PKNOX2: variants seen among roughly 807,000 people sequenced by gnomAD.
PKNOX2 encodes homeobox protein PKNOX2.
In PKNOX2, 14 loss-of-function variants were observed where a neutral mutation model predicts 53.1. The ratio of observed to expected loss-of-function variants is 0.26; its 90% CI spans 0.17 to 0.41. The LOEUF (loss-of-function observed/expected upper bound fraction) is 0.41. Among genes scored for constraint, PKNOX2 ranks in the 10% least tolerant of loss-of-function variants. PKNOX2 has a pLI of 1.00. For missense variants in PKNOX2, 496 were observed against 602.8 expected (o/e 0.82, Z 1.85); for synonymous variants, 257 against 242.8 (o/e 1.06, Z -0.54).
At chr11:125,393,004 T>TA (rs576280119) in intron 6 of PKNOX2, among the ~76,000 whole-genome samples, 3,959 of 145,378 alleles carry the variant, frequency 0.027, 129 homozygotes, top group African/African-American at 0.071. Flanking sequence ...TAAAAATACA[T>TA]AAAAAAAAAA....
At chr11:125,324,459 T>C (rs1332866971) in intron 2 of PKNOX2, among the ~76,000 whole-genome samples, 10 of 152,360 alleles carry the variant, frequency 6.6e-5, no homozygotes, top group Non-Finnish European at 1.5e-4. Context: ...ACACCTTATA[T>C]GTACAAAATA....
intron 2 of PKNOX2, among the ~76,000 whole-genome samples, chr11:125,236,372 C>T (rs1021479101): frequency 3.2e-5 from 4 of 126,456 alleles, no homozygotes; most frequent in African/African-American, 6.3e-5. Context: ...GGAAAGCCTG[C>T]CTAGGAGGTG....
chr11:125,236,034 G>A (rs543969183), intron 2 of PKNOX2, among the ~76,000 whole-genome samples: 1 of 152,340 alleles, frequency 6.6e-6, no homozygotes, highest in Admixed American at 6.5e-5. Context: ...ATAGTACGTT[G>A]GCTTCCAACC....
At chr11:125,302,950 G>A (rs1948176148) in intron 2 of PKNOX2, among the ~76,000 whole-genome samples, 1 of 152,200 alleles carries the variant, frequency 6.6e-6, no homozygotes, top group Non-Finnish European at 1.5e-5. Context: ...ACCATCTCAT[G>A]GCTAGTCTGT....
In PKNOX2 at chr11:125,430,003, G is replaced by A. The variant is rs781435524; in HGVS notation, c.1054G>A (p.Asp352Asn). The change falls in exon 12 of 13, where the codon GAT becomes AAT. Residue 352 changes from aspartate (D) to asparagine (N), a missense_variant. Around this residue, in one of 5 missense-constraint regions of PKNOX2, gnomAD observed 139 missense variants for 161.3 expected, o/e 0.86. Transcript: ENST00000298282. ...ARRRILQPMLDASNPDPAPKA... is the reference protein window; with the variant it reads ...ARRRILQPMLNASNPDPAPKA... ...GAGGCGCATCCTGCAGCCCATGCTT[G>A]ATGCCAGCAACCCAGATCCTGCCCC... is the stretch of plus-strand genomic sequence containing the variant. 1.9e-6 allele frequency: 3 copies of A among 1,614,154 alleles called. No homozygotes were observed. The highest frequency in any genetic ancestry group is 1.1e-5 in the South Asian group (1 of 91,080).
intron 2 of PKNOX2, among the ~76,000 whole-genome samples, chr11:125,315,573 C>T (rs575400215): frequency 6.6e-6 from 1 of 152,282 alleles, no homozygotes; most frequent in African/African-American, 2.4e-5. Context: ...CTCAACCCCA[C>T]CCCAGGGTGC....
chr11:125,418,462 A>G (rs997677413), intron 10 of PKNOX2, among the ~76,000 whole-genome samples: 2 of 151,994 alleles, frequency 1.3e-5, no homozygotes, highest in African/African-American at 2.4e-5. Flanking sequence ...TCAGATGCCC[A>G]GCTATCCTTC....
At chr11:125,198,348 G>C (rs1020182323) in intron 1 of PKNOX2, among the ~76,000 whole-genome samples, 6 of 152,212 alleles carry the variant, frequency 3.9e-5, no homozygotes, top group African/African-American at 1.4e-4. Context: ...AGGCGAAGGT[G>C]GGGGTAGAGG....
At chr11:125,305,375 C>T (rs1948366639) in intron 2 of PKNOX2, among the ~76,000 whole-genome samples, 1 of 152,312 alleles carries the variant, frequency 6.6e-6, no homozygotes, top group South Asian at 2.1e-4. Flanking sequence ...GCTTAGGGCT[C>T]TCAGCAAGAC....
At chr11:125,188,958 G>C (rs1237247337) in intron 1 of PKNOX2, among the ~76,000 whole-genome samples, 1 of 151,954 alleles carries the variant, frequency 6.6e-6, no homozygotes, top group Non-Finnish European at 1.5e-5. Context: ...TGAGTCCCGT[G>C]CTGGTGCTAA....
intron 1 of PKNOX2, among the ~76,000 whole-genome samples, chr11:125,202,010 CT>C (rs1190647529): frequency 6.6e-6 from 1 of 152,204 alleles, no homozygotes; most frequent in Non-Finnish European, 1.5e-5. Flanking sequence ...AGAATTAAGC[CT>C]TTTGTTTCCT....
At chr11:125,208,994 G>A (rs140814195) in intron 1 of PKNOX2, among the ~76,000 whole-genome samples, 3,223 of 152,160 alleles carry the variant, frequency 0.021, 67 homozygotes, top group Middle Eastern at 0.048. Context: ...AATGGGAAGT[G>A]AGGAAGTGGC....
At chr11:125,405,835 G>A (rs543256176) in intron 7 of PKNOX2, among the ~76,000 whole-genome samples, 7 of 152,302 alleles carry the variant, frequency 4.6e-5, no homozygotes, top group South Asian at 2.1e-4. Flanking sequence ...GGAGCCCGGC[G>A]TGTTGGTTTT....
chr11:125,394,408 A>G (rs1954261300), intron 6 of PKNOX2, among the ~76,000 whole-genome samples: 1 of 152,186 alleles, frequency 6.6e-6, no homozygotes, highest in Non-Finnish European at 1.5e-5. Context: ...GCCCTGCATG[A>G]CGACACACAA....
chr11:125,164,906 A>G (rs1954733394), intron 1 of PKNOX2, 130 bp downstream of exon 1: 1 of 155,158 alleles, frequency 6.4e-6, no homozygotes, highest in Non-Finnish European at 1.4e-5. Context: ...CCAGAGTATT[A>G]TTCATTGCGA....
At chr11:125,371,823 G>A (rs755641988) in intron 5 of PKNOX2, among the ~76,000 whole-genome samples, 1 of 152,228 alleles carries the variant, frequency 6.6e-6, no homozygotes, top group Non-Finnish European at 1.5e-5. Context: ...AGTGAGGGCA[G>A]TGGTGCTTTG....
chr11:125,375,781 C>T (rs57475714), intron 5 of PKNOX2, among the ~76,000 whole-genome samples: 5,589 of 152,276 alleles, frequency 0.037, 315 homozygotes, highest in African/African-American at 0.12. Flanking sequence ...GGTGACTTGG[C>T]TGGAATCACT....
At chr11:125,271,917 C>T (rs566896058) in intron 2 of PKNOX2, among the ~76,000 whole-genome samples, 36 of 152,334 alleles carry the variant, frequency 2.4e-4, no homozygotes, top group African/African-American at 6.7e-4. Context: ...GATGCATCAT[C>T]GAGTCCCTTG....
At chr11:125,245,592 G>A (rs1266706463) in intron 2 of PKNOX2, among the ~76,000 whole-genome samples, 1 of 152,200 alleles carries the variant, frequency 6.6e-6, no homozygotes, top group Non-Finnish European at 1.5e-5. Context: ...TTGTACAGAG[G>A]CCCTGGTCCT....
Sources: gnomAD v4.1 joint callset for allele counts (sites outside exome capture counted in the v4.1 genomes callset) on GRCh38, gnomAD v4.1.1 for gene constraint, gnomAD v4.1.1 regional missense constraint, MANE v1.5 for transcripts, NCBI Gene and HGNC (gene_info 2026-07-23, HGNC 2026-07-21) for gene names.